The following EMB variants were observed in gnomAD, a reference collection of about 807,000 sequenced individuals.
EMB encodes embigin homolog.
A neutral mutation model predicts 41.4 loss-of-function variants in EMB; 31 were observed. The ratio of observed to expected loss-of-function variants is 0.75; its 90% CI spans 0.56 to 1.01. EMB has a LOEUF of 1.01. Ranked by LOEUF, EMB falls within the 50% of genes least tolerant of loss-of-function variation. The pLI, the probability that EMB is intolerant of heterozygous loss-of-function variation, is 0.00. For synonymous variants in EMB, 137 were observed against 140.4 expected (o/e 0.98, Z 0.17); for missense variants, 379 against 388.3 (o/e 0.98, Z 0.20).
Position 50,399,068 on chromosome 5 carries a change from A to T in EMB, c.*205T>A, listed in dbSNP as rs979052770. On this transcript the variant is annotated 3_prime_UTR_variant, in exon 9 of 9. Coordinates refer to ENST00000303221, the MANE Select transcript of EMB (RefSeq NM_198449.3). ...GTCTAACATATTTATTCTGATTTAC[A>T]TTGCTTTTATGTAACATAATTACAG... 3 of 553,558 alleles carry T rather than the reference A, an allele frequency of 5.4e-6. No individual in the cohort carries two copies. The highest frequency in any genetic ancestry group is 8.8e-6 in the Non-Finnish European group (3 of 339,432). The allele number at this position is 553,558 out of a possible 1,614,324, so 34.3% of individuals were successfully genotyped here.
chr5:50,438,963 TG>T, intron 1 of EMB, among the ~76,000 whole-genome samples: 1 of 151,668 alleles, frequency 6.6e-6, no homozygotes, highest in East Asian at 1.9e-4. Flanking sequence ...CTGACGCCTA[TG>T]GAATAAGTAT....
At chr5:50,399,748 T>A in intron 8 of EMB, 111 bp downstream of exon 8, 2 of 807,378 alleles carry the variant, frequency 2.5e-6, no homozygotes, top group Non-Finnish European at 4.1e-6. Context: ...TTTGAGCACA[T>A]CATAAATGAC....
intron 1 of EMB, 27 bp downstream of exon 1, chr5:50,441,013 C>G (rs1238283588): frequency 1.8e-5 from 24 of 1,325,878 alleles, no homozygotes; most frequent in Admixed American, 7.1e-5. Flanking sequence ...TCCGCCCTCC[C>G]TACCCTGGAC....
At chr5:50,430,533 T>C (rs1745703284) in intron 1 of EMB, among the ~76,000 whole-genome samples, 1 of 152,110 alleles carries the variant, frequency 6.6e-6, no homozygotes, top group Non-Finnish European at 1.5e-5. Flanking sequence ...ATGGAGAATA[T>C]GAAGCTGGGC....
At chr5:50,419,536 T>TACACACACACACACAC (rs371940991) in intron 2 of EMB, among the ~76,000 whole-genome samples, 8,690 of 142,170 alleles carry the variant, frequency 0.061, 313 homozygotes, top group East Asian at 0.084. Flanking sequence ...CCCCACTACA[T>TACACACACACACACAC]ACACACACAC....
intron 4 of EMB, among the ~76,000 whole-genome samples, chr5:50,410,066 C>T (rs1339023511): frequency 6.6e-6 from 1 of 152,030 alleles, no homozygotes; most frequent in Non-Finnish European, 1.5e-5. Flanking sequence ...CACATTCTGT[C>T]ACAGCAGACA....
intron 5 of EMB, among the ~76,000 whole-genome samples, chr5:50,405,496 C>T (rs1259765641): frequency 6.6e-6 from 1 of 151,964 alleles, no homozygotes; most frequent in East Asian, 1.9e-4. Context: ...AACAAACTAC[C>T]AGCTAATGAA....
intron 1 of EMB, among the ~76,000 whole-genome samples, chr5:50,430,797 A>C (rs992886126): frequency 6.6e-6 from 1 of 152,184 alleles, no homozygotes; most frequent in African/African-American, 2.4e-5. Flanking sequence ...GGTGAAGATA[A>C]TTCCAGGAAG....
At chr5:50,441,506 G>C (rs1224475178), upstream of EMB, 2 of 183,520 alleles carry the variant, frequency 1.1e-5, no homozygotes, top group East Asian at 2.6e-4. Context: ...CAATCTCGTG[G>C]GGAGAGGTCG....
Position 50,441,070 on chromosome 5 carries a change from G to A in EMB, c.82C>T (p.Arg28Cys). Reference sequence around the variant, plus strand: ...GCACTGCCGTCCGCCGAGCTTGGGCGCGCGGCAGCGAGAAGGCACTGGAGG... The same window carrying A: ...GCACTGCCGTCCGCCGAGCTTGGGCACGCGGCAGCGAGAAGGCACTGGAGG... The part of the protein sequence containing the change: ...LLLQCLLAAA[R>C]PSSADGSAPD... The change falls in exon 1 of 9, where the codon CGC (arginine) becomes TGC (cysteine). Residue 28 changes from arginine to cysteine, a missense_variant. Physicochemically the swap from Arg to Cys is radical, Grantham distance 180. Transcript: ENST00000303221. 6.6e-7 allele frequency: 1 copy of A among 1,510,974 alleles called. No individual in the cohort carries two copies. Among genetic ancestry groups the A allele is most frequent in the East Asian group, 2.6e-5 (1 of 38,018 alleles). 93.6% of individuals were successfully genotyped at this position (1,510,974 alleles called of 1,614,324 possible).
Position 50,409,902 on chromosome 5 carries a change from T to C in EMB, c.472+975A>G, listed in dbSNP as rs534092568. Among the ~76,000 whole-genome samples the C allele has an allele frequency of 7.9e-5, 12 of 152,266 alleles. No homozygotes were observed. The South Asian group carries it at 2.5e-3, about 32-fold the overall frequency. ...GATATATAAATACAAGAATTTATTA[T>C]ATTCACCACATTGGAACAATTACAA... On this transcript the variant is annotated intron_variant, in intron 4 of 8. Coordinates refer to ENST00000303221, the MANE Select transcript of EMB (RefSeq NM_198449.3).
intron 1 of EMB, among the ~76,000 whole-genome samples, chr5:50,440,172 T>TGTGG (rs1745874345): frequency 6.6e-6 from 1 of 152,166 alleles, no homozygotes; most frequent in Admixed American, 6.5e-5. Context: ...ACACACACGT[T>TGTGG]ATCCTGTAAG....
chr5:50,399,626 A>T (rs1190594655), intron 8 of EMB, among the ~76,000 whole-genome samples: 1 of 152,044 alleles, frequency 6.6e-6, no homozygotes, highest in Admixed American at 6.6e-5. Context: ...ATATGTAGCC[A>T]GTGCAAAAGA....
rs1307131579 is a variant in EMB, at chr5:50,396,251, C to A, written c.*3022G>T. On this transcript the variant is annotated 3_prime_UTR_variant, in exon 9 of 9. Transcript: ENST00000303221. ...TACTTTTTTCAATTCTGATTTGTCA[C>A]AATTTAGATTCTTTTTCTAAGAATA... The A allele has an allele frequency of 6.6e-6, 1 of 152,052 alleles. No homozygotes were observed. Among genetic ancestry groups the A allele is most frequent in the Non-Finnish European group, 1.5e-5 (1 of 68,000 alleles). 9.4% of individuals were successfully genotyped at this position (152,052 alleles called of 1,614,324 possible).
chr5:50,418,102 T>C (rs577959308), intron 2 of EMB, among the ~76,000 whole-genome samples: 8 of 152,364 alleles, frequency 5.3e-5, no homozygotes, highest in Non-Finnish European at 1.2e-4. Flanking sequence ...AATGCAGTAT[T>C]TAATTTGAGA....
intron 1 of EMB, among the ~76,000 whole-genome samples, chr5:50,432,260 C>T (rs1432243877): frequency 7.9e-5 from 12 of 152,100 alleles, no homozygotes; most frequent in Non-Finnish European, 1.6e-4. Flanking sequence ...AGGGTCTGAA[C>T]TTCATTAAGA....
intron 6 of EMB, among the ~76,000 whole-genome samples, chr5:50,402,876 CA>C (rs564451334): frequency 0.027 from 1,500 of 54,688 alleles, 10 homozygotes; most frequent in African/African-American, 0.082. Context: ...CCAGTAGCAC[CA>C]AAAAAAAAAA....
intron 2 of EMB, among the ~76,000 whole-genome samples, chr5:50,417,037 T>C (rs1745440923): frequency 2.6e-5 from 4 of 152,176 alleles, no homozygotes; most frequent in African/African-American, 9.7e-5. Context: ...GTCACAGAGC[T>C]GTAACAACCC....
chr5:50,422,863 G>A lies in EMB; in HGVS notation c.196+5281C>T, dbSNP rs576258859. Reference sequence around the variant, plus strand: ...GTCAGGGAAAGGGGCCAACTGTCAAGATGTTTTGAAGGCCAATCTGGAAGT... The same window carrying A: ...GTCAGGGAAAGGGGCCAACTGTCAAAATGTTTTGAAGGCCAATCTGGAAGT... On this transcript the variant is annotated intron_variant, in intron 2 of 8. Coordinates refer to ENST00000303221, the MANE Select transcript of EMB (RefSeq NM_198449.3). Among the ~76,000 whole-genome samples the A allele has an allele frequency of 1.7e-3, 265 of 152,240 alleles. 3 individuals are homozygous for A. Among genetic ancestry groups the A allele is most frequent in the African/African-American group, 6.0e-3 (250 of 41,554 alleles).
Sources: gnomAD v4.1 joint callset for allele counts (sites outside exome capture counted in the v4.1 genomes callset) on GRCh38, gnomAD v4.1.1 for gene constraint, MANE v1.5 for transcripts, NCBI Gene and HGNC (gene_info 2026-07-23, HGNC 2026-07-21) for gene names.